The following PLPPR1 variants were observed in gnomAD, a reference collection of about 807,000 sequenced individuals.
PLPPR1 encodes the protein phospholipid phosphatase-related protein type 1.
In PLPPR1, 10 loss-of-function variants were observed where a neutral mutation model predicts 33.1. That is an observed-to-expected ratio of 0.30 (90% CI 0.19 to 0.51). PLPPR1 has a LOEUF of 0.51. Among genes scored for constraint, PLPPR1 ranks in the 20% least tolerant of loss-of-function variants. The pLI is 0.97. For synonymous variants in PLPPR1, 151 were observed against 151.0 expected, an observed-to-expected ratio of 1.00 and a Z score of 0.00; for missense variants, 304 against 408.1, an observed-to-expected ratio of 0.74 and a Z score of 2.20.
chr9:101,293,394 C>T (rs1417361931), intron 4 of PLPPR1, among the ~76,000 whole-genome samples: 8 of 151,590 alleles, frequency 5.3e-5, no homozygotes, highest in East Asian at 3.9e-4. Context: ...GACAGATCAA[C>T]GAGACAGAAA....
At chr9:101,284,478 A>G (rs1364079394) in intron 3 of PLPPR1, among the ~76,000 whole-genome samples, 4 of 152,190 alleles carry the variant, frequency 2.6e-5, no homozygotes, top group Non-Finnish European at 5.9e-5. Context: ...AATAAAATAT[A>G]TTCTTGAAAA....
intron 1 of PLPPR1, among the ~76,000 whole-genome samples, chr9:101,092,242 C>T (rs1830750529): frequency 6.6e-6 from 1 of 152,192 alleles, no homozygotes; most frequent in African/African-American, 2.4e-5. Flanking sequence ...CTGCTGATCC[C>T]CGTCCTCCAA....
intron 2 of PLPPR1, among the ~76,000 whole-genome samples, chr9:101,247,192 T>C (rs922059436): frequency 1.3e-5 from 2 of 151,952 alleles, no homozygotes; most frequent in Non-Finnish European, 2.9e-5. Context: ...CCTGAAGCCA[T>C]GAGCAGCAGC....
rs16919900 is a variant in PLPPR1, at chr9:101,119,465, A to G, written c.-45-65985A>G. On this transcript the variant is annotated intron_variant, in intron 1 of 7. Coordinates refer to ENST00000374874, the MANE Select transcript of PLPPR1 (RefSeq NM_207299.2). The stretch of plus-strand genomic sequence containing the variant: ...TCCAGTGTCCCTCTGGAGGTGATGG[A>G]ACTATCAGGACAGGTATCTGCATGT... 2.8e-3 allele frequency among the ~76,000 whole-genome samples: 431 copies of G among 152,326 alleles called. 2 individuals are homozygous for G. The highest frequency in any genetic ancestry group is 9.5e-3 in the African/African-American group (395 of 41,574).
chr9:101,061,801 C>T (rs1478563177), intron 1 of PLPPR1, among the ~76,000 whole-genome samples: 25 of 151,836 alleles, frequency 1.6e-4, no homozygotes, highest in Admixed American at 1.6e-3. Context: ...AATAAATGAA[C>T]AAATAATTGG....
rs188155612 is a variant in PLPPR1, at chr9:101,281,049, G to T, written c.253-5055G>T. ...AGACTCCACCAAAAAAAACCTATTA[G>T]AACTGATACATAAATTCAATAAAAT... On this transcript the variant is annotated intron_variant, in intron 3 of 7. Coordinates refer to ENST00000374874, the MANE Select transcript of PLPPR1 (RefSeq NM_207299.2). Among the ~76,000 whole-genome samples the T allele has an allele frequency of 7.9e-5, 12 of 151,918 alleles. No homozygotes were observed. The East Asian group carries it at 2.3e-3, about 29-fold the overall frequency.
intron 1 of PLPPR1, among the ~76,000 whole-genome samples, chr9:101,032,276 G>T (rs562424117): frequency 1.3e-4 from 20 of 152,298 alleles, no homozygotes; most frequent in African/African-American, 4.8e-4. Flanking sequence ...GACATGATCA[G>T]ATTTGCATTA....
intron 1 of PLPPR1, among the ~76,000 whole-genome samples, chr9:101,169,525 A>T (rs1435716728): frequency 6.6e-6 from 1 of 152,140 alleles, no homozygotes. Context: ...TGACATTATC[A>T]TGCTTTCTGC....
At chr9:101,246,655 A>G (rs1045346400) in intron 2 of PLPPR1, among the ~76,000 whole-genome samples, 4 of 152,058 alleles carry the variant, frequency 2.6e-5, no homozygotes, top group Non-Finnish European at 4.4e-5. Flanking sequence ...CAGCAAAAGA[A>G]AGTAACTATA....
Position 101,223,725 on chromosome 9 carries a change from A to G in PLPPR1, c.63+38168A>G, listed in dbSNP as rs191711225. Among the ~76,000 whole-genome samples, 295 of 152,250 alleles carry G rather than the reference A, an allele frequency of 1.9e-3. 1 individual carries two copies. Among genetic ancestry groups the G allele is most frequent in the African/African-American group, 6.7e-3 (279 of 41,560 alleles). On this transcript the variant is annotated intron_variant, in intron 2 of 7. Coordinates refer to ENST00000374874, the MANE Select transcript of PLPPR1 (RefSeq NM_207299.2). ...AACCTGTGAAGAGGTGCCTTCTGCC[A>G]TGATTTTAAGTTTCCTGAGGCCTCC...
intron 1 of PLPPR1, among the ~76,000 whole-genome samples, chr9:101,178,674 T>C (rs1040392760): frequency 1.3e-5 from 2 of 152,154 alleles, no homozygotes; most frequent in African/African-American, 4.8e-5. Context: ...GGAATGGCCT[T>C]TGGAAGTCAC....
intron 2 of PLPPR1, among the ~76,000 whole-genome samples, chr9:101,213,669 T>A (rs1253839378): frequency 1.3e-5 from 2 of 152,204 alleles, no homozygotes; most frequent in African/African-American, 4.8e-5. Context: ...TCCTACTTTA[T>A]ACCATTTGGT....
intron 1 of PLPPR1, among the ~76,000 whole-genome samples, chr9:101,085,431 G>T (rs1830664303): frequency 6.6e-6 from 1 of 152,180 alleles, no homozygotes. Context: ...TAAGGAAGAT[G>T]AAGGAGGTAG....
intron 1 of PLPPR1, among the ~76,000 whole-genome samples, chr9:101,171,872 G>A (rs1180524370): frequency 5.9e-5 from 9 of 152,168 alleles, no homozygotes. Context: ...CAGTATCACT[G>A]AGGAAACGAA....
At chr9:101,192,155 G>T (rs1477992427) in intron 2 of PLPPR1, among the ~76,000 whole-genome samples, 2 of 152,102 alleles carry the variant, frequency 1.3e-5, no homozygotes, top group Admixed American at 1.3e-4. Flanking sequence ...TGTGTCTCAG[G>T]TTTTGAAAAA....
At chr9:101,183,092 T>C (rs1316420026) in intron 1 of PLPPR1, among the ~76,000 whole-genome samples, 1 of 151,752 alleles carries the variant, frequency 6.6e-6, no homozygotes, top group Non-Finnish European at 1.5e-5. Context: ...GTAGTGCTGT[T>C]AAAAAATTAA....
chr9:101,172,821 C>G (rs957902119), intron 1 of PLPPR1, among the ~76,000 whole-genome samples: 3 of 152,076 alleles, frequency 2.0e-5, no homozygotes, highest in African/African-American at 7.2e-5. Context: ...TAGATACTCT[C>G]CAGACTATAA....
At chr9:101,090,784 T>C (rs1830732696) in intron 1 of PLPPR1, among the ~76,000 whole-genome samples, 1 of 152,114 alleles carries the variant, frequency 6.6e-6, no homozygotes, top group South Asian at 2.1e-4. Context: ...CCACCTTTCC[T>C]TCTTGAAACA....
At chr9:101,304,853 C>G (rs1262101540) in intron 4 of PLPPR1, among the ~76,000 whole-genome samples, 1 of 152,188 alleles carries the variant, frequency 6.6e-6, no homozygotes, top group Non-Finnish European at 1.5e-5. Flanking sequence ...GTGCACAAAG[C>G]TGCTATAGCC....
Sources: allele counts gnomAD v4.1 joint callset (sites outside exome capture counted in the v4.1 genomes callset), GRCh38; gene constraint gnomAD v4.1.1; transcripts MANE v1.5; gene names NCBI Gene and HGNC (gene_info 2026-07-23, HGNC 2026-07-21).